PRKCA: variants seen among roughly 807,000 people sequenced by gnomAD.
PRKCA encodes the protein protein kinase C alpha type.
In PRKCA, 27 loss-of-function variants were observed where a neutral mutation model predicts 87.0. The observed-to-expected ratio is 0.31, with a 90% CI of 0.23 to 0.43. The LOEUF is 0.43. Ranked by LOEUF, PRKCA falls within the 20% of genes least tolerant of loss-of-function variation. The pLI is 1.00. For missense variants in PRKCA, 518 were observed against 852.3 expected (o/e 0.61, Z 4.88); for synonymous variants, 329 against 311.1 (o/e 1.06, Z -0.61).
chr17:66,555,902 A>G (rs1968479698), intron 3 of PRKCA, among the ~76,000 whole-genome samples: 1 of 152,182 alleles, frequency 6.6e-6, no homozygotes, highest in African/African-American at 2.4e-5. Flanking sequence ...TACCTTGGCA[A>G]TGCGTGCTAC....
intron 2 of PRKCA, among the ~76,000 whole-genome samples, chr17:66,314,300 T>C (rs1422405505): frequency 6.6e-6 from 1 of 152,254 alleles, no homozygotes; most frequent in Non-Finnish European, 1.5e-5. Flanking sequence ...CAGGTCTTGT[T>C]TTCCACCCAA....
chr17:66,387,991 G>A (rs1273675996), intron 2 of PRKCA, among the ~76,000 whole-genome samples: 1 of 152,148 alleles, frequency 6.6e-6, no homozygotes, highest in East Asian at 1.9e-4. Flanking sequence ...TCCCTGCCTT[G>A]GCATTTTCCT....
At chr17:66,606,073 G>A (rs1313815802) in intron 3 of PRKCA, among the ~76,000 whole-genome samples, 2 of 152,172 alleles carry the variant, frequency 1.3e-5, no homozygotes, top group Non-Finnish European at 2.9e-5. Flanking sequence ...TATGTGAATT[G>A]TATCTCAAAG....
chr17:66,778,322 G>A (rs1201530159), intron 14 of PRKCA: 2 of 668,224 alleles, frequency 3.0e-6, no homozygotes, highest in Non-Finnish European at 3.7e-6. Context: ...GACCATCCTG[G>A]CTAACACAGT....
chr17:66,756,334 C>T (rs1242448335), intron 13 of PRKCA, among the ~76,000 whole-genome samples: 2 of 152,094 alleles, frequency 1.3e-5, no homozygotes, highest in Non-Finnish European at 2.9e-5. Context: ...CACCCATCCT[C>T]TCCCACCCAA....
chr17:66,327,540 A>T (rs1324414010), intron 2 of PRKCA, among the ~76,000 whole-genome samples: 2 of 152,062 alleles, frequency 1.3e-5, no homozygotes, highest in African/African-American at 4.8e-5. Flanking sequence ...TCTCAAAAAT[A>T]AAATAAAATT....
At chr17:66,771,998 A>C (rs1974944564) in intron 13 of PRKCA, among the ~76,000 whole-genome samples, 2 of 152,232 alleles carry the variant, frequency 1.3e-5, no homozygotes, top group Non-Finnish European at 2.9e-5. Flanking sequence ...TATTTTTAAC[A>C]GAATGGTTTT....
intron 8 of PRKCA, among the ~76,000 whole-genome samples, chr17:66,727,191 C>A (rs1973775979): frequency 2.5e-5 from 2 of 80,872 alleles, no homozygotes; most frequent in African/African-American, 1.0e-4. Flanking sequence ...AAGGATGAGT[C>A]AGAAAATAGT....
chr17:66,499,954 G>A (rs558300072), intron 3 of PRKCA, among the ~76,000 whole-genome samples: 3 of 152,144 alleles, frequency 2.0e-5, no homozygotes, highest in Non-Finnish European at 4.4e-5. Context: ...CCATGTCCCC[G>A]AAAATTCATA....
intron 3 of PRKCA, among the ~76,000 whole-genome samples, chr17:66,572,362 G>A (rs1969106314): frequency 6.6e-6 from 1 of 152,072 alleles, no homozygotes; most frequent in South Asian, 2.1e-4. Flanking sequence ...AGCTACTCAG[G>A]AGGCTGAGGC....
At chr17:66,425,321 C>T (rs1319005678) in intron 2 of PRKCA, among the ~76,000 whole-genome samples, 1 of 152,110 alleles carries the variant, frequency 6.6e-6, no homozygotes, top group African/African-American at 2.4e-5. Context: ...ACCACCGAGC[C>T]CTCTGACAGA....
chr17:66,368,138 G>C (rs1908840212), intron 2 of PRKCA, among the ~76,000 whole-genome samples: 1 of 151,846 alleles, frequency 6.6e-6, no homozygotes, highest in Non-Finnish European at 1.5e-5. Flanking sequence ...AGAGATTGAA[G>C]GTTAATTTTG....
At chr17:66,760,823 T>C (rs111875782) in intron 13 of PRKCA, among the ~76,000 whole-genome samples, 57 of 152,272 alleles carry the variant, frequency 3.7e-4, no homozygotes, top group African/African-American at 1.4e-3. Flanking sequence ...GAATCCAACA[T>C]GTATAGTAGG....
chr17:66,406,585 G>GATTTTTTTTTTTTTTTTTT (rs529714675), intron 2 of PRKCA, among the ~76,000 whole-genome samples: 2 of 70,180 alleles, frequency 2.8e-5, no homozygotes, highest in African/African-American at 9.2e-5. Context: ...GCTTTTCCAG[G>GATTTTTTTTTTTTTTTTTT]TTTTTTTTTT....
At chr17:66,509,719 A>C (rs983508926) in intron 3 of PRKCA, among the ~76,000 whole-genome samples, 4 of 152,172 alleles carry the variant, frequency 2.6e-5, no homozygotes, top group African/African-American at 9.7e-5. Flanking sequence ...AAAATTAACT[A>C]TCACAGAAGG....
chr17:66,641,720 T>C (rs1971302098), intron 4 of PRKCA, among the ~76,000 whole-genome samples: 1 of 149,398 alleles, frequency 6.7e-6, no homozygotes, highest in African/African-American at 2.4e-5. Flanking sequence ...GCTGTCACTT[T>C]TTTTTTTTTT....
At chr17:66,742,122 C>G (rs1314091126) in intron 12 of PRKCA, among the ~76,000 whole-genome samples, 1 of 152,140 alleles carries the variant, frequency 6.6e-6, no homozygotes, top group Non-Finnish European at 1.5e-5. Flanking sequence ...CTGTTAGTAG[C>G]TGTGCTGAAA....
At chr17:66,586,503 A>G (rs1969602986) in intron 3 of PRKCA, among the ~76,000 whole-genome samples, 1 of 152,220 alleles carries the variant, frequency 6.6e-6, no homozygotes, top group Non-Finnish European at 1.5e-5. Context: ...TCCTTTTATC[A>G]GAAGGAAGAG....
At chr17:66,585,237 G>T (rs1280211589) in intron 3 of PRKCA, among the ~76,000 whole-genome samples, 1 of 152,106 alleles carries the variant, frequency 6.6e-6, no homozygotes, top group African/African-American at 2.4e-5. Context: ...GCGCCATGTT[G>T]CCTGCTTCTT....
Sources: gnomAD v4.1 joint callset for allele counts (sites outside exome capture counted in the v4.1 genomes callset) on GRCh38, gnomAD v4.1.1 for gene constraint, MANE v1.5 for transcripts, NCBI Gene and HGNC (gene_info 2026-07-23, HGNC 2026-07-21) for gene names.